RPS6KA5: variants seen among roughly 807,000 people sequenced by gnomAD.
The protein encoded by RPS6KA5 is ribosomal protein S6 kinase A5, also known as ribosomal protein S6 kinase alpha-5.
A neutral mutation model predicts 85.5 loss-of-function variants in RPS6KA5; 27 were observed. That is an observed-to-expected ratio of 0.32 (90% CI 0.23 to 0.44). The LOEUF is 0.44. RPS6KA5 is among the 20% of genes least tolerant of loss of function. RPS6KA5 has a pLI of 1.00. For synonymous variants in RPS6KA5, 334 were observed against 348.2 expected (o/e 0.96, Z 0.46); for missense variants, 811 against 980.9 (o/e 0.83, Z 2.31).
chr14:91,002,664 A>G (rs2040838909), intron 1 of RPS6KA5, among the ~76,000 whole-genome samples: 1 of 152,194 alleles, frequency 6.6e-6, no homozygotes, highest in Non-Finnish European at 1.5e-5. Flanking sequence ...TTGTGGTCAA[A>G]AACACATAAC....
chr14:90,884,078 G>A (rs1009014481), intron 14 of RPS6KA5, among the ~76,000 whole-genome samples: 2 of 152,186 alleles, frequency 1.3e-5, no homozygotes, highest in African/African-American at 4.8e-5. Context: ...ATGGTGGCAG[G>A]CACAACAACA....
rs987627827 is a variant in RPS6KA5, at chr14:90,849,841, G to A, written c.*22233C>T. 1.3e-5 allele frequency: 2 copies of A among 152,232 alleles called. No individual in the cohort carries two copies. Among genetic ancestry groups the A allele is most frequent in the Non-Finnish European group, 2.9e-5 (2 of 68,054 alleles). The allele number at this position is 152,232 out of a possible 1,614,324, so 9.4% of individuals were successfully genotyped here. A position where few individuals can be genotyped will look rare whatever the true frequency, so the allele number is the denominator to read the frequency against. ...GCTAGATGATGTCCTCAAACCTGAC[G>A]TAGTAAAGGAAAATCAACACATTGT... is the stretch of plus-strand genomic sequence containing the variant. On this transcript the variant is annotated 3_prime_UTR_variant, in exon 17 of 17. Transcript: ENST00000614987.
intron 5 of RPS6KA5, among the ~76,000 whole-genome samples, chr14:90,927,942 T>TTTTC (rs757063706): frequency 0.074 from 1,136 of 15,310 alleles, 4 homozygotes; most frequent in African/African-American, 0.25. Flanking sequence ...CTTTTCTTTT[T>TTTTC]TTTTTTTTTT....
chr14:90,917,037 G>A (rs1334136965), intron 7 of RPS6KA5, among the ~76,000 whole-genome samples: 1 of 152,140 alleles, frequency 6.6e-6, no homozygotes, highest in African/African-American at 2.4e-5. Flanking sequence ...AATTAGAGAA[G>A]CCACCACTTA....
intron 3 of RPS6KA5, among the ~76,000 whole-genome samples, chr14:90,957,805 C>G (rs2038600739): frequency 1.3e-5 from 2 of 151,938 alleles, no homozygotes; most frequent in Non-Finnish European, 2.9e-5. Flanking sequence ...TTGCTTACCA[C>G]CAAAATTTCC....
rs1336712385 is a variant in RPS6KA5 at position 90,868,861 on chromosome 14, A to C, written c.*3213T>G. ...TTTAAAATAACTTACCTTATATTTAAAAGTTAGTCATTTACATACTTAAGA... is the reference window on the plus strand; with the variant it reads ...TTTAAAATAACTTACCTTATATTTACAAGTTAGTCATTTACATACTTAAGA... On this transcript the variant is annotated 3_prime_UTR_variant, in exon 17 of 17. Transcript: ENST00000614987. The C allele has an allele frequency of 6.6e-6, 1 of 152,182 alleles. No homozygotes were observed. Among genetic ancestry groups the C allele is most frequent in the African/African-American group, 2.4e-5 (1 of 41,438 alleles). The allele number at this position is 152,182 out of a possible 1,614,324, so 9.4% of individuals were successfully genotyped here.
intron 3 of RPS6KA5, among the ~76,000 whole-genome samples, chr14:90,972,907 T>C (rs892623375): frequency 6.6e-6 from 1 of 152,098 alleles, no homozygotes. Context: ...AGGGTACAAA[T>C]AGATAATTCT....
chr14:90,925,941 C>CAAAAAAAAA (rs71117389), intron 5 of RPS6KA5, among the ~76,000 whole-genome samples: 36 of 73,452 alleles, frequency 4.9e-4, no homozygotes, highest in African/African-American at 1.3e-3. Context: ...GACCCTGACT[C>CAAAAAAAAA]AAAAAAAAAA....
chr14:91,010,783 T>C (rs1239559723), intron 1 of RPS6KA5, among the ~76,000 whole-genome samples: 2 of 152,152 alleles, frequency 1.3e-5, no homozygotes, highest in Non-Finnish European at 2.9e-5. Context: ...AAATGGAATG[T>C]AGGAAAGGCT....
intron 14 of RPS6KA5, among the ~76,000 whole-genome samples, chr14:90,887,738 C>T (rs2034315111): frequency 6.6e-6 from 1 of 151,084 alleles, no homozygotes; most frequent in South Asian, 2.1e-4. Context: ...GGGAGGATCA[C>T]TTGAAGCTAG....
In RPS6KA5 at chr14:90,966,585, T is replaced by C. The variant is rs1275181076; in HGVS notation, c.394+11721A>G. Among the ~76,000 whole-genome samples the C allele has an allele frequency of 2.6e-5, 4 of 152,340 alleles. No homozygotes were observed. The East Asian group carries it at 7.7e-4, about 29-fold the overall frequency. On this transcript the variant is annotated intron_variant, in intron 3 of 16. Transcript: ENST00000614987. Reference sequence around the variant, plus strand: ...ACGGAGTCATACCTCTTTATTTACATATTGTACATTTTATTCTAAAAGCTA... The same window carrying C: ...ACGGAGTCATACCTCTTTATTTACACATTGTACATTTTATTCTAAAAGCTA...
At chr14:90,950,655 T>C (rs2038125861) in intron 3 of RPS6KA5, among the ~76,000 whole-genome samples, 2 of 152,238 alleles carry the variant, frequency 1.3e-5, no homozygotes, top group Non-Finnish European at 2.9e-5. Context: ...ATATGCTTTG[T>C]GTTCTTTATC....
chr14:90,913,422 A>G (rs1370176550), intron 7 of RPS6KA5, among the ~76,000 whole-genome samples: 1 of 152,210 alleles, frequency 6.6e-6, no homozygotes, highest in Admixed American at 6.5e-5. Context: ...TTTAATTTAT[A>G]GCATCTTCTA....
At chr14:90,931,572 G>A (rs1421102467) in intron 5 of RPS6KA5, among the ~76,000 whole-genome samples, 1 of 151,692 alleles carries the variant, frequency 6.6e-6, no homozygotes, top group Admixed American at 6.6e-5. Flanking sequence ...AGCCGTAAAA[G>A]AAAAGATTTA....
chr14:91,042,901 G>A (rs1455018760), intron 1 of RPS6KA5, among the ~76,000 whole-genome samples: 1 of 152,098 alleles, frequency 6.6e-6, no homozygotes, highest in Non-Finnish European at 1.5e-5. Flanking sequence ...CTTAAAACAA[G>A]GACACAACAA....
chr14:91,020,446 C>T (rs761551744), intron 1 of RPS6KA5, among the ~76,000 whole-genome samples: 3 of 151,194 alleles, frequency 2.0e-5, no homozygotes, highest in Non-Finnish European at 2.9e-5. Context: ...AAATACTATG[C>T]CAATTTATAT....
intron 1 of RPS6KA5, among the ~76,000 whole-genome samples, chr14:91,021,437 TCAAGAC>T (rs2041777418): frequency 1.3e-5 from 2 of 152,072 alleles, no homozygotes; most frequent in Admixed American, 1.3e-4. Context: ...GCCCAGGAGT[TCAAGAC>T]CAGGCTGGGC....
chr14:90,936,483 G>A (rs1035456819), intron 5 of RPS6KA5, among the ~76,000 whole-genome samples: 18 of 152,204 alleles, frequency 1.2e-4, no homozygotes, highest in African/African-American at 4.3e-4. Context: ...AGGATGGCTT[G>A]ACCCCAGGAG....
intron 5 of RPS6KA5, among the ~76,000 whole-genome samples, chr14:90,933,589 T>A (rs993972545): frequency 6.6e-6 from 1 of 152,200 alleles, no homozygotes; most frequent in South Asian, 2.1e-4. Context: ...TATCTGGACC[T>A]CATGTTTCCA....
Sources: gnomAD v4.1 joint callset for allele counts (sites outside exome capture counted in the v4.1 genomes callset) on GRCh38, gnomAD v4.1.1 for gene constraint, MANE v1.5 for transcripts, NCBI Gene and HGNC (gene_info 2026-07-23, HGNC 2026-07-21) for gene names.